TRRAP: variants seen among roughly 807,000 people sequenced by gnomAD.
TRRAP encodes transformation/transcription domain-associated protein.
TRRAP carries 41 observed loss-of-function variants against 438.8 expected under a neutral mutation model. The observed-to-expected ratio is 0.09, with a 90% CI of 0.07 to 0.12. The LOEUF is 0.12. TRRAP is among the 10% of genes least tolerant of loss of function. TRRAP has a pLI of 1.00. For synonymous variants in TRRAP, 1,994 were observed against 1,962.9 expected (o/e 1.02, Z -0.42); for missense variants, 3,122 against 5,055.1 (o/e 0.62, Z 11.60).
At chr7:98,907,018 TA>T (rs782153890) in intron 13 of TRRAP, among the ~76,000 whole-genome samples, 1,710 of 140,978 alleles carry the variant, frequency 0.012, 4 homozygotes, top group African/African-American at 0.012. Flanking sequence ...TTCTTACACT[TA>T]AAAAAAAAAA....
rs868928978 is a variant in TRRAP, at chr7:98,943,503, A to G, written c.4473+486A>G. The stretch of plus-strand genomic sequence containing the variant: ...AGGGGAATGTAAAAAGGAATCCCAT[A>G]AATACTGGCACGTGTGTTTTCAAGG... On this transcript the variant is annotated intron_variant, in intron 31 of 72. Transcript: ENST00000456197. Among the ~76,000 whole-genome samples, 6 of 152,324 alleles carry G rather than the reference A, an allele frequency of 3.9e-5. No individual in the cohort carries two copies. In the South Asian group the frequency reaches 1.0e-3, roughly 26 times the overall value.
chr7:99,002,645 A>C (rs1387279618), intron 67 of TRRAP, among the ~76,000 whole-genome samples: 1 of 152,078 alleles, frequency 6.6e-6, no homozygotes, highest in Non-Finnish European at 1.5e-5. Context: ...GCCTGTGTGG[A>C]GTCCTGGCAC....
intron 49 of TRRAP, among the ~76,000 whole-genome samples, chr7:98,966,329 T>C (rs1229045069): frequency 2.0e-5 from 3 of 151,880 alleles, no homozygotes; most frequent in Non-Finnish European, 4.4e-5. Context: ...GAAAGATGGA[T>C]TTTTTTCAGT....
At chr7:98,939,598 T>G (rs1415824688) in intron 30 of TRRAP, among the ~76,000 whole-genome samples, 6 of 152,270 alleles carry the variant, frequency 3.9e-5, no homozygotes, top group Non-Finnish European at 7.3e-5. Context: ...CAAATATATG[T>G]AATACACATA....
chr7:98,924,641 A>T (rs1789948398), intron 21 of TRRAP, among the ~76,000 whole-genome samples: 1 of 140,272 alleles, frequency 7.1e-6, no homozygotes, highest in Non-Finnish European at 1.5e-5. Context: ...GTGAGCGGAG[A>T]TGGCACCACT....
intron 63 of TRRAP, 88 bp from the exon 64 acceptor site, chr7:98,990,367 A>T (rs7808857): frequency 3.4e-6 from 5 of 1,489,168 alleles, no homozygotes; most frequent in Admixed American, 3.5e-5. Context: ...AAGCCGCTCT[A>T]TACAGTGTTG....
chr7:98,881,843 C>T (rs1795452878), intron 2 of TRRAP, 132 bp from the exon 3 acceptor site: 1 of 929,538 alleles, frequency 1.1e-6, no homozygotes, highest in Non-Finnish European at 1.6e-6. Flanking sequence ...AGCTATGTGC[C>T]TTCTATTAGG....
chr7:98,912,831 C>T (rs1554408978), intron 18 of TRRAP, among the ~76,000 whole-genome samples: 1 of 151,470 alleles, frequency 6.6e-6, no homozygotes, highest in African/African-American at 2.4e-5. Flanking sequence ...ACCAGCTTTT[C>T]AGGGAAAAAA....
intron 49 of TRRAP, among the ~76,000 whole-genome samples, chr7:98,966,319 G>A (rs767027010): frequency 6.6e-6 from 1 of 151,782 alleles, no homozygotes; most frequent in South Asian, 2.1e-4. Context: ...AAAAAAAAAA[G>A]AAAGATGGAT....
At chr7:98,937,304 GCACGCGTGTGTGCA>G in intron 29 of TRRAP, 27 bp downstream of exon 29, 1 of 1,600,174 alleles carries the variant, frequency 6.2e-7, no homozygotes, top group Non-Finnish European at 8.5e-7. Context: ...GCGTGTATGC[GCACGCGTGTGTGCA>G]CACACATGTG....
At position 98,958,061 on chromosome 7, in the gene TRRAP, G is replaced by A. The variant is rs1554420283; in HGVS notation, c.6312G>A (p.Val2104=). 6.2e-7 allele frequency: 1 copy of A among 1,614,156 alleles called. No homozygotes were observed. The highest frequency in any genetic ancestry group is 1.1e-5 in the South Asian group (1 of 91,088). Residue 2104 remains valine, a synonymous_variant, in exon 44 of 73, where the codon GTG becomes GTA. Transcript: ENST00000456197. ...KPIDKQHTDT[V]VNFLIRVACQ... ...TTGACAAGCAGCACACAGACACTGT[G>A]GTGAACTTCCTTATCCGCGTGGCCT...
chr7:98,886,327 G>A (rs1308603934), intron 3 of TRRAP, among the ~76,000 whole-genome samples: 1 of 150,272 alleles, frequency 6.7e-6, no homozygotes, highest in Non-Finnish European at 1.5e-5. Context: ...TATAGATAGA[G>A]ATAGATATAG....
At chr7:98,889,045 C>CTTT (rs11326725) in intron 3 of TRRAP, among the ~76,000 whole-genome samples, 1 of 82,436 alleles carries the variant, frequency 1.2e-5, no homozygotes, top group Admixed American at 1.3e-4. Flanking sequence ...CAAAACTTTA[C>CTTT]TTTTTTTTTT....
chr7:98,906,964 A>G (rs1796796145), intron 13 of TRRAP, among the ~76,000 whole-genome samples: 1 of 151,774 alleles, frequency 6.6e-6, no homozygotes, highest in South Asian at 2.1e-4. Context: ...AGGGAGATGG[A>G]GTAATGTTGC....
At position 98,930,817 on chromosome 7, in the gene TRRAP, A is replaced by C; in HGVS notation, c.3578A>C (p.Asp1193Ala). 1 of 1,614,198 alleles carries C rather than the reference A, an allele frequency of 6.2e-7. No homozygotes were observed. Among genetic ancestry groups the C allele is most frequent in the Non-Finnish European group, 8.5e-7 (1 of 1,180,044 alleles). ...FLKALLFVMM[D>A]LTGEVSNGAV... Reference sequence around the variant, plus strand: ...AAAGCACTTCTCTTTGTCATGATGGACTTAACTGGAGAGGTAGGTGATGGG... The same window carrying C: ...AAAGCACTTCTCTTTGTCATGATGGCCTTAACTGGAGAGGTAGGTGATGGG... Residue 1193 changes from aspartate (D) to alanine (A), a missense_variant, in exon 25 of 73, where the codon GAC (aspartate) becomes GCC (alanine). This residue lies in a region of TRRAP where 153 missense variants were observed against 223.0 expected (regional missense o/e 0.69). Transcript: ENST00000456197.
chr7:99,007,372 G>A (rs571369794), intron 69 of TRRAP, among the ~76,000 whole-genome samples: 3 of 152,230 alleles, frequency 2.0e-5, no homozygotes, highest in East Asian at 1.9e-4. Context: ...TTTTTGAGAC[G>A]GAGTCTCACT....
chr7:99,011,096 G>A lies in TRRAP; in HGVS notation c.10983G>A (p.Pro3661=), dbSNP rs201702554. ...ILKEVQSNMV[P]RSMLKEWALH... ...AGGAGGTTCAGAGTAACATGGTGCC[G>A]CGCAGCATGCTCAAGGAGTGGGCGC... Residue 3661 remains proline, a synonymous_variant, in exon 71 of 73, where the codon CCG becomes CCA. Coordinates refer to ENST00000456197, the MANE Select transcript of TRRAP (RefSeq NM_001375524.1). The surrounding 1 kb of genome is among the most constrained non-coding windows in gnomAD (Gnocchi z 7.1). The A allele has an allele frequency of 5.5e-5, 88 of 1,614,160 alleles. No individual in the cohort carries two copies. The East Asian group carries it at 7.4e-4, about 13-fold the overall frequency.
chr7:98,924,422 C>T (rs996431409), intron 21 of TRRAP, among the ~76,000 whole-genome samples: 7 of 152,158 alleles, frequency 4.6e-5, no homozygotes, highest in Admixed American at 2.0e-4. Context: ...GAGACTGGTG[C>T]CGTGGCTTAG....
chr7:98,961,487 T>C lies in TRRAP; in HGVS notation c.6703+13T>C, dbSNP rs1017394367. 3 of 1,611,782 alleles carry C rather than the reference T, an allele frequency of 1.9e-6. No individual in the cohort carries two copies. The African/African-American group carries it at 4.0e-5, about 22-fold the overall frequency. ...CCAACAGAGCCGAGTATGTGACCTT[T>C]CCCACCGGTGCTTTTCTTTCAAAGT... On this transcript the variant is annotated intron_variant, in intron 46 of 72. Coordinates refer to ENST00000456197, the MANE Select transcript of TRRAP (RefSeq NM_001375524.1).
Sources: allele counts gnomAD v4.1 joint callset (sites outside exome capture counted in the v4.1 genomes callset), GRCh38; gene constraint gnomAD v4.1.1; regional missense constraint gnomAD v4.1.1; non-coding constraint Gnocchi (gnomAD v3.1); transcripts MANE v1.5; gene names NCBI Gene and HGNC (gene_info 2026-07-23, HGNC 2026-07-21).